NFU1: variants seen among roughly 807,000 people sequenced by gnomAD.
The protein encoded by NFU1 is NFU1 iron-sulfur cluster scaffold.
NFU1 carries 30 observed loss-of-function variants against 32.2 expected under a neutral mutation model. That is an observed-to-expected ratio of 0.93 (90% CI 0.70 to 1.26). NFU1 has a LOEUF of 1.26. Among genes scored for constraint, NFU1 ranks in the 50% most tolerant of loss-of-function variants. The probability of loss-of-function intolerance (pLI) is 0.00; values close to 1 mark genes in which losing one functional copy is unlikely to be tolerated. For missense variants in NFU1, 306 were observed against 306.6 expected, an observed-to-expected ratio of 1.00 and a Z score of 0.02; for synonymous variants, 112 against 104.6, an observed-to-expected ratio of 1.07 and a Z score of -0.43.
intron 6 of NFU1, among the ~76,000 whole-genome samples, chr2:69,403,581 C>T (rs1164908474): frequency 6.6e-6 from 1 of 152,034 alleles, no homozygotes; most frequent in African/African-American, 2.4e-5. Context: ...GACAAGGTCT[C>T]ACTATGTTGC....
intron 7 of NFU1, 83 bp from the exon 8 acceptor site, chr2:69,396,373 T>TA: frequency 1.1e-6 from 1 of 934,192 alleles, no homozygotes; most frequent in Non-Finnish European, 1.7e-6. Flanking sequence ...ATTACTTCTT[T>TA]ACCTGATACA....
chr2:69,399,914 C>T (rs2104733542), intron 7 of NFU1, among the ~76,000 whole-genome samples: 1 of 151,966 alleles, frequency 6.6e-6, no homozygotes, highest in Middle Eastern at 3.4e-3. Flanking sequence ...CTTTTGTTGC[C>T]CAGGCTGGAG....
chr2:69,417,177 A>C (rs1376767393), intron 4 of NFU1, among the ~76,000 whole-genome samples: 1 of 152,162 alleles, frequency 6.6e-6, no homozygotes, highest in African/African-American at 2.4e-5. Context: ...CTGCAAATAT[A>C]CATATATATT....
At chr2:69,413,268 A>G (rs1310500921) in intron 5 of NFU1, among the ~76,000 whole-genome samples, 24 of 149,492 alleles carry the variant, frequency 1.6e-4, no homozygotes, top group African/African-American at 5.7e-4. Context: ...CTGGGCAACA[A>G]GAGCGAAACT....
downstream of NFU1, chr2:69,396,124 T>C (rs759195358): frequency 5.1e-6 from 4 of 791,810 alleles, no homozygotes; most frequent in East Asian, 2.5e-5. Flanking sequence ...GCAATATTTA[T>C]ATATCATTCT....
intron 5 of NFU1, among the ~76,000 whole-genome samples, chr2:69,407,080 A>G (rs1374406091): frequency 1.3e-5 from 2 of 152,142 alleles, no homozygotes; most frequent in African/African-American, 4.8e-5. Context: ...CTGTGAGTCA[A>G]TTAAACCTCT....
intron 3 of NFU1, 42 bp from the exon 4 acceptor site, chr2:69,419,646 T>C: frequency 8.5e-7 from 1 of 1,178,202 alleles, no homozygotes; most frequent in Non-Finnish European, 1.3e-6. Flanking sequence ...AATGCTTGAT[T>C]ATGGAAAAGT....
intron 1 of NFU1, among the ~76,000 whole-genome samples, chr2:69,435,447 A>T (rs1673797667): frequency 6.6e-6 from 1 of 152,216 alleles, no homozygotes; most frequent in East Asian, 1.9e-4. Context: ...CTCTCACAAA[A>T]CTGGAATTCT....
At chr2:69,407,424 C>G (rs915023599) in intron 5 of NFU1, among the ~76,000 whole-genome samples, 2 of 152,046 alleles carry the variant, frequency 1.3e-5, no homozygotes, top group Non-Finnish European at 2.9e-5. Flanking sequence ...TGCCTGTAAT[C>G]CCAGCACTTT....
Position 69,406,015 on chromosome 2 carries a change from C to T in NFU1, c.545+7G>A. The stretch of plus-strand genomic sequence containing the variant: ...ACTTGAATTCAGGTAGAGAGAGGAG[C>T]ACGTACCGTATTCTAGTATCTAACA... On this transcript the variant is annotated splice_region_variant and intron_variant, in intron 6 of 7. Coordinates refer to ENST00000410022, the MANE Select transcript of NFU1 (RefSeq NM_001002755.4). The T allele has an allele frequency of 6.4e-7, 1 of 1,571,346 alleles. No homozygotes were observed. Among genetic ancestry groups the T allele is most frequent in the Non-Finnish European group, 8.8e-7 (1 of 1,142,210 alleles).
upstream of NFU1, among the ~76,000 whole-genome samples, chr2:69,438,507 T>C (rs943783494): frequency 2.0e-5 from 3 of 152,138 alleles, no homozygotes; most frequent in African/African-American, 7.2e-5. Context: ...TGGCCTCAAG[T>C]GATCCCTCTC....
At chr2:69,422,466 A>G (rs1211175037) in intron 3 of NFU1, among the ~76,000 whole-genome samples, 2 of 152,168 alleles carry the variant, frequency 1.3e-5, no homozygotes, top group African/African-American at 2.4e-5. Context: ...ATAGTTCTGA[A>G]TAGAGTATTT....
At chr2:69,426,317 G>C (rs1042717085) in intron 2 of NFU1, among the ~76,000 whole-genome samples, 1 of 150,402 alleles carries the variant, frequency 6.6e-6, no homozygotes, top group Non-Finnish European at 1.5e-5. Context: ...ATTGAGTCTC[G>C]CTCTGTCGCC....
At chr2:69,428,918 C>T (rs1246065045) in intron 2 of NFU1, among the ~76,000 whole-genome samples, 4 of 152,138 alleles carry the variant, frequency 2.6e-5, no homozygotes, top group Non-Finnish European at 4.4e-5. Flanking sequence ...TTCCAGCTAG[C>T]TGAAGTTAAA....
At chr2:69,435,374 T>C (rs1008017376) in intron 1 of NFU1, among the ~76,000 whole-genome samples, 1 of 152,254 alleles carries the variant, frequency 6.6e-6, no homozygotes, top group Non-Finnish European at 1.5e-5. Flanking sequence ...AGATCACATT[T>C]ATCTAATTAT....
intron 4 of NFU1, 89 bp downstream of exon 4, chr2:69,419,449 A>G (rs1156599557): frequency 1.6e-5 from 11 of 705,492 alleles, no homozygotes; most frequent in Non-Finnish European, 2.5e-5. Context: ...TAAAGAACAG[A>G]AAGAATGGAA....
At chr2:69,435,315 TTC>T (rs1673793775) in intron 1 of NFU1, among the ~76,000 whole-genome samples, 1 of 152,214 alleles carries the variant, frequency 6.6e-6, no homozygotes, top group African/African-American at 2.4e-5. Flanking sequence ...TGTCATAATT[TTC>T]TGTTAAAATT....
chr2:69,423,773 G>A, intron 2 of NFU1, 56 bp from the exon 3 acceptor site: 13 of 1,274,328 alleles, frequency 1.0e-5, no homozygotes, highest in Non-Finnish European at 1.5e-5. Flanking sequence ...ACAAGTTTAT[G>A]GACTATGAAG....
intron 4 of NFU1, among the ~76,000 whole-genome samples, 184 bp downstream of exon 4, chr2:69,419,354 A>G (rs1673165592): frequency 6.6e-6 from 1 of 152,150 alleles, no homozygotes; most frequent in African/African-American, 2.4e-5. Context: ...AAAGAAAAAG[A>G]AAAACATAGC....
Sources: allele counts gnomAD v4.1 joint callset (sites outside exome capture counted in the v4.1 genomes callset), GRCh38; gene constraint gnomAD v4.1.1; transcripts MANE v1.5; gene names NCBI Gene and HGNC (gene_info 2026-07-23, HGNC 2026-07-21).